The following PPARGC1A variants were observed in gnomAD, a reference collection of about 807,000 sequenced individuals.
PPARGC1A encodes the protein PPARG coactivator 1 alpha.
A neutral mutation model predicts 88.7 loss-of-function variants in PPARGC1A; 25 were observed. The observed-to-expected ratio is 0.28, with a 90% confidence interval of 0.21 to 0.39. The LOEUF is 0.39. Ranked by LOEUF, PPARGC1A falls within the 10% of genes least tolerant of loss-of-function variation. PPARGC1A has a pLI of 1.00. For synonymous variants in PPARGC1A, 363 were observed against 355.6 expected (o/e 1.02, Z -0.24); for missense variants, 880 against 968.7 (o/e 0.91, Z 1.22).
the PPARGC1A span, among the ~76,000 whole-genome samples, chr4:24,189,118 A>G: frequency 6.6e-6 from 1 of 152,136 alleles, no homozygotes; most frequent in Non-Finnish European, 1.5e-5. Context: ...GACAGAAAGT[A>G]GAACGCTGGT....
chr4:23,903,543 T>G (rs76317575), upstream of PPARGC1A, among the ~76,000 whole-genome samples: 2,175 of 152,310 alleles, frequency 0.014, 48 homozygotes, highest in African/African-American at 0.048. Context: ...CAGGATAGTT[T>G]AAGTGTGAGT....
chr4:23,913,242 T>TTATATATATATA, the PPARGC1A span, among the ~76,000 whole-genome samples: 11 of 94,606 alleles, frequency 1.2e-4, no homozygotes, highest in African/African-American at 4.7e-4. Flanking sequence ...ATTATATATT[T>TTATATATATATA]TATATATATA....
At chr4:23,887,070 C>A (rs1474130104) in intron 1 of PPARGC1A, among the ~76,000 whole-genome samples, 3 of 152,126 alleles carry the variant, frequency 2.0e-5, no homozygotes, top group Non-Finnish European at 4.4e-5. Context: ...TGCTCATAAC[C>A]CTTTAACCTT....
chr4:24,215,137 T>C, the PPARGC1A span, among the ~76,000 whole-genome samples: 1 of 152,184 alleles, frequency 6.6e-6, no homozygotes, highest in Non-Finnish European at 1.5e-5. Flanking sequence ...GAAAAGGCCC[T>C]GCCTCCCAGC....
the PPARGC1A span, among the ~76,000 whole-genome samples, chr4:24,160,593 G>A: frequency 6.6e-6 from 1 of 152,044 alleles, no homozygotes. Context: ...CTTCCTGCCT[G>A]GCCCCATGCC....
At chr4:24,424,086 A>G in the PPARGC1A span, among the ~76,000 whole-genome samples, 3 of 152,122 alleles carry the variant, frequency 2.0e-5, no homozygotes, top group Non-Finnish European at 4.4e-5. Flanking sequence ...CTGTATCCAT[A>G]AGAAAGACAA....
chr4:24,073,425 G>A, the PPARGC1A span, among the ~76,000 whole-genome samples: 1 of 152,228 alleles, frequency 6.6e-6, no homozygotes, highest in African/African-American at 2.4e-5. Flanking sequence ...TACAAACTTT[G>A]TCAGGCAACT....
chr4:24,108,482 G>A, the PPARGC1A span, among the ~76,000 whole-genome samples: 1 of 152,042 alleles, frequency 6.6e-6, no homozygotes. Flanking sequence ...TCAATACTTA[G>A]AATGAGAAGA....
chr4:24,118,443 C>T, the PPARGC1A span, among the ~76,000 whole-genome samples: 1 of 152,170 alleles, frequency 6.6e-6, no homozygotes, highest in African/African-American at 2.4e-5. Flanking sequence ...TAACTCAACT[C>T]CTGGTCACTG....
the PPARGC1A span, among the ~76,000 whole-genome samples, chr4:23,956,382 C>A: frequency 7.2e-5 from 11 of 152,210 alleles, no homozygotes; most frequent in East Asian, 2.1e-3. Flanking sequence ...ATCTCAGTAG[C>A]AAAGCTCTGC....
At chr4:24,157,273 A>T in the PPARGC1A span, among the ~76,000 whole-genome samples, 3 of 152,164 alleles carry the variant, frequency 2.0e-5, no homozygotes, top group Admixed American at 2.0e-4. Context: ...TGCAGTTAAG[A>T]TTCAGCTCTC....
chr4:23,971,284 C>T, the PPARGC1A span, among the ~76,000 whole-genome samples: 1 of 152,108 alleles, frequency 6.6e-6, no homozygotes, highest in East Asian at 1.9e-4. Flanking sequence ...TACATGGTTA[C>T]TGATGTAACC....
chr4:24,076,517 C>A, the PPARGC1A span, among the ~76,000 whole-genome samples: 3 of 152,090 alleles, frequency 2.0e-5, no homozygotes, highest in African/African-American at 7.2e-5. Context: ...TTGAGTCATT[C>A]AACATGGAGA....
chr4:24,358,429 C>A, the PPARGC1A span, among the ~76,000 whole-genome samples: 1 of 152,180 alleles, frequency 6.6e-6, no homozygotes, highest in South Asian at 2.1e-4. Context: ...CAGATTCAGA[C>A]CCAGGTGTTC....
chr4:24,366,112 C>G, the PPARGC1A span, among the ~76,000 whole-genome samples: 3 of 152,094 alleles, frequency 2.0e-5, no homozygotes, highest in African/African-American at 7.2e-5. Context: ...AGAAATTATC[C>G]AGCCAAGAGT....
chr4:23,998,575 C>T, the PPARGC1A span, among the ~76,000 whole-genome samples: 106 of 152,174 alleles, frequency 7.0e-4, no homozygotes, highest in Admixed American at 1.3e-3. Context: ...AACAGGAAAC[C>T]TAGAATAACA....
At chr4:24,092,658 C>T in the PPARGC1A span, among the ~76,000 whole-genome samples, 2 of 152,138 alleles carry the variant, frequency 1.3e-5, no homozygotes, top group East Asian at 1.9e-4. Flanking sequence ...TATCCTTCTC[C>T]CTGCAACTTC....
At chr4:23,932,698 T>C in the PPARGC1A span, among the ~76,000 whole-genome samples, 1 of 152,112 alleles carries the variant, frequency 6.6e-6, no homozygotes, top group Non-Finnish European at 1.5e-5. Flanking sequence ...AGACATCTTA[T>C]TGGAGATAAA....
chr4:23,884,857 C>T lies in PPARGC1A; in HGVS notation c.129G>A (p.Val43=). The change falls in exon 2 of 13, where the codon GTG becomes GTA. Residue 43 remains valine, a synonymous_variant. Coordinates refer to ENST00000264867, the MANE Select transcript of PPARGC1A (RefSeq NM_013261.5). Reference sequence around the variant, plus strand: ...GAAAGCTGTCTGTATCCAAGTCGTTCACATCTAGTTCAGAAAGATCAAGTT... The same window carrying T: ...GAAAGCTGTCTGTATCCAAGTCGTTTACATCTAGTTCAGAAAGATCAAGTT... ...LPELDLSELD[V]NDLDTDSFLG... 6.2e-7 allele frequency: 1 copy of T among 1,613,814 alleles called. No individual in the cohort carries two copies. The highest frequency in any genetic ancestry group is 2.2e-5 in the East Asian group (1 of 44,838).
Sources: gnomAD v4.1 joint callset for allele counts (sites outside exome capture counted in the v4.1 genomes callset) on GRCh38, gnomAD v4.1.1 for gene constraint, MANE v1.5 for transcripts, NCBI Gene and HGNC (gene_info 2026-07-23, HGNC 2026-07-21) for gene names.